The following NAB1 variants were observed in gnomAD, a reference collection of about 807,000 sequenced individuals.
NAB1 encodes NGFI-A binding protein 1.
NAB1 carries 25 observed loss-of-function variants against 49.9 expected under a neutral mutation model. The ratio of observed to expected loss-of-function variants is 0.50; its 90% CI spans 0.37 to 0.70. The LOEUF is 0.70. NAB1 is among the 30% of genes least tolerant of loss of function. The pLI, the probability that NAB1 is intolerant of heterozygous loss-of-function variation, is 0.00. For synonymous variants in NAB1, 198 were observed against 215.6 expected, an observed-to-expected ratio of 0.92 and a Z score of 0.71; for missense variants, 489 against 575.9, an observed-to-expected ratio of 0.85 and a Z score of 1.54.
At position 190,675,876 on chromosome 2, in the gene NAB1, A is replaced by T. The variant is rs545458342; in HGVS notation, c.1005+2724A>T. ...TTGAACGTGTGTGTGTCTTGTGTGT[A>T]TGTATACCTACACATGTAGATGGTG... is the stretch of plus-strand genomic sequence containing the variant. On this transcript the variant is annotated intron_variant, in intron 6 of 9. Coordinates refer to ENST00000337386, the MANE Select transcript of NAB1 (RefSeq NM_005966.4). This position sits in a 1 kb window ranked among gnomAD's most constrained non-coding sequence, Gnocchi z 5.2. Among the ~76,000 whole-genome samples, 1 of 152,252 alleles carries T rather than the reference A, an allele frequency of 6.6e-6. No homozygotes were observed. Among genetic ancestry groups the T allele is most frequent in the East Asian group, 1.9e-4 (1 of 5,182 alleles).
In NAB1 at chr2:190,674,565, C is replaced by T. The variant is rs566628966; in HGVS notation, c.1005+1413C>T. On this transcript the variant is annotated intron_variant, in intron 6 of 9. Transcript: ENST00000337386. This position sits in a 1 kb window ranked among gnomAD's most constrained non-coding sequence, Gnocchi z 5.7. ...TGCCCCATTAGATGAGAATAGGTCT[C>T]TTATCTGTGAATCTGCTGCTGTATA... 2.2e-4 allele frequency among the ~76,000 whole-genome samples: 33 copies of T among 152,290 alleles called. No individual in the cohort carries two copies. The highest frequency in any genetic ancestry group is 7.7e-4 in the African/African-American group (32 of 41,570).
At position 190,652,826 on chromosome 2, in the gene NAB1, T is replaced by C. The variant is rs538724490; in HGVS notation, c.-197+2844T>C. Among the ~76,000 whole-genome samples, 54 of 152,342 alleles carry C rather than the reference T, an allele frequency of 3.5e-4. No homozygotes were observed. Among genetic ancestry groups the C allele is most frequent in the South Asian group, 1.9e-3 (9 of 4,830 alleles). On this transcript the variant is annotated intron_variant, in intron 2 of 9. Coordinates refer to ENST00000337386, the MANE Select transcript of NAB1 (RefSeq NM_005966.4). This position sits in a 1 kb window ranked among gnomAD's most constrained non-coding sequence, Gnocchi z 4.2. ...TCTTAAGTAACCCATAAAGTGTAGC[T>C]GAACTATATTTAATCATTTTAGCTT...
In NAB1 at chr2:190,659,344, G is replaced by A. The variant is rs759987739; in HGVS notation, c.168G>A (p.Val56=). Residue 56 remains valine, a synonymous_variant, in exon 4 of 10, where the codon GTG becomes GTA. Coordinates refer to ENST00000337386, the MANE Select transcript of NAB1 (RefSeq NM_005966.4). This position sits in a 1 kb window ranked among gnomAD's most constrained non-coding sequence, Gnocchi z 6.2. ...EEEFLEIMAL[V]GMASKPLHVR... ...AGTTTTTGGAAATCATGGCACTCGTGGGCATGGCTAGCAAGCCCCTTCATG... is the reference window on the plus strand; with the variant it reads ...AGTTTTTGGAAATCATGGCACTCGTAGGCATGGCTAGCAAGCCCCTTCATG... The A allele has an allele frequency of 6.2e-6, 10 of 1,614,142 alleles. No individual in the cohort carries two copies. In the South Asian group the frequency reaches 8.8e-5, roughly 14 times the overall value.
rs1191010252 is a variant in NAB1, at chr2:190,686,767, G to A, written c.1259-434G>A. 1.3e-5 allele frequency among the ~76,000 whole-genome samples: 2 copies of A among 151,018 alleles called. No homozygotes were observed. The highest frequency in any genetic ancestry group is 1.3e-4 in the Admixed American group (2 of 15,176). On this transcript the variant is annotated intron_variant, in intron 8 of 9. Coordinates refer to ENST00000337386, the MANE Select transcript of NAB1 (RefSeq NM_005966.4). The surrounding 1 kb of genome is among the most constrained non-coding windows in gnomAD (Gnocchi z 5.5). ...TTTTTCCCATATTTGTGCTAAATCT[G>A]TTTTTTCACGGATTTTGCTGTAGTT...
At chr2:190,649,023 G>T (rs1374713244), upstream of NAB1, 1 of 146,396 alleles carries the variant, frequency 6.8e-6, no homozygotes, top group Non-Finnish European at 1.5e-5. The surrounding 1 kb of genome is among the most constrained non-coding windows in gnomAD (Gnocchi z 6.1). Flanking sequence ...GGAGGGTGTA[G>T]CGCGCGCGGG....
At position 190,657,258 on chromosome 2, in the gene NAB1, G is replaced by A. The variant is rs575176473; in HGVS notation, c.-20+1105G>A. On this transcript the variant is annotated intron_variant, in intron 3 of 9. Transcript: ENST00000337386. The surrounding 1 kb of genome is among the most constrained non-coding windows in gnomAD (Gnocchi z 4.4). The stretch of plus-strand genomic sequence containing the variant: ...GTGGATGATAGATTCTCCCTGGAGT[G>A]GGAGGACAGGCAGAGCCTCCTTTAG... Among the ~76,000 whole-genome samples, 5 of 152,284 alleles carry A rather than the reference G, an allele frequency of 3.3e-5. No individual in the cohort carries two copies. In the East Asian group the frequency reaches 9.7e-4, roughly 29 times the overall value.
rs1284709421 is a variant in NAB1 at position 190,673,343 on chromosome 2, GA to G, written c.1005+192del. On this transcript the variant is annotated intron_variant, in intron 6 of 9. Transcript: ENST00000337386. ...ATATTTACAGTAATTTGAATTAGCA[GA>G]CCAAGGAAAATTTTTTTAAACTTTT... 6 of 605,980 alleles carry G rather than the reference GA, an allele frequency of 9.9e-6. No homozygotes were observed. The Admixed American group carries it at 1.8e-4, about 18-fold the overall frequency. The allele number at this position is 605,980 out of a possible 1,614,324, so 37.5% of individuals were successfully genotyped here. A position where few individuals can be genotyped will look rare whatever the true frequency, so the allele number is the denominator to read the frequency against.
intron 7 of NAB1, 127 bp downstream of exon 7, chr2:190,683,954 C>T: frequency 1.4e-6 from 1 of 729,398 alleles, no homozygotes; most frequent in Non-Finnish European, 2.3e-6. Context: ...TTTTTTAAAA[C>T]GTCATCTGAG....
Position 190,652,314 on chromosome 2 carries a change from T to C in NAB1, c.-197+2332T>C, listed in dbSNP as rs562860173. Among the ~76,000 whole-genome samples the C allele has an allele frequency of 1.3e-5, 2 of 152,348 alleles. No individual in the cohort carries two copies. Among genetic ancestry groups the C allele is most frequent in the Admixed American group, 6.5e-5 (1 of 15,308 alleles). ...CTTCTGAAAAGGTGAAAAAAACTTATAAATATTGCCTGCATACTCTGTGCT... is the reference window on the plus strand; with the variant it reads ...CTTCTGAAAAGGTGAAAAAAACTTACAAATATTGCCTGCATACTCTGTGCT... On this transcript the variant is annotated intron_variant, in intron 2 of 9. Transcript: ENST00000337386. This position sits in a 1 kb window ranked among gnomAD's most constrained non-coding sequence, Gnocchi z 4.2.
intron 4 of NAB1, 55 bp downstream of exon 4, chr2:190,660,050 T>TA: frequency 6.7e-7 from 1 of 1,497,776 alleles, no homozygotes; most frequent in Non-Finnish European, 9.1e-7. Context: ...TGCTAGTCGT[T>TA]AGAGATAAAT....
In NAB1 at chr2:190,679,834, G is replaced by C. The variant is rs1207616540; in HGVS notation, c.1006-3904G>C. ...GATTCTGATTGGTGCACTCCACTCA[G>C]ATTCTGCTGATGAACTGATAACCCT... On this transcript the variant is annotated intron_variant, in intron 6 of 9. Transcript: ENST00000337386. The surrounding 1 kb of genome is among the most constrained non-coding windows in gnomAD (Gnocchi z 5.3). 1.3e-5 allele frequency among the ~76,000 whole-genome samples: 2 copies of C among 152,148 alleles called. No individual in the cohort carries two copies. The highest frequency in any genetic ancestry group is 4.8e-5 in the African/African-American group (2 of 41,424).
At position 190,686,500 on chromosome 2, in the gene NAB1, T is replaced by C. The variant is rs191398220; in HGVS notation, c.1259-701T>C. 1.3e-5 allele frequency among the ~76,000 whole-genome samples: 2 copies of C among 152,334 alleles called. No individual in the cohort carries two copies. Among genetic ancestry groups the C allele is most frequent in the East Asian group, 1.9e-4 (1 of 5,194 alleles). ...GATTCTCCAGCCATGGACTGAAATATTACATGTGTCAACACATCAGAGTAC... is the reference window on the plus strand; with the variant it reads ...GATTCTCCAGCCATGGACTGAAATACTACATGTGTCAACACATCAGAGTAC... On this transcript the variant is annotated intron_variant, in intron 8 of 9. Coordinates refer to ENST00000337386, the MANE Select transcript of NAB1 (RefSeq NM_005966.4). The surrounding 1 kb of genome is among the most constrained non-coding windows in gnomAD (Gnocchi z 5.5).
intron 3 of NAB1, among the ~76,000 whole-genome samples, chr2:190,658,866 A>G (rs772633302): frequency 1.3e-5 from 2 of 152,248 alleles, no homozygotes; most frequent in East Asian, 1.9e-4. Context: ...AGCAAAGTAT[A>G]TAGCCAAAAA....
At chr2:190,665,239 C>T (rs997889405) in intron 4 of NAB1, among the ~76,000 whole-genome samples, 1 of 151,292 alleles carries the variant, frequency 6.6e-6, no homozygotes, top group Non-Finnish European at 1.5e-5. Flanking sequence ...AGGAGAATGG[C>T]GTGAACCTGG....
rs1306879424 is a variant in NAB1 at position 190,659,436 on chromosome 2, C to T, written c.260C>T (p.Thr87Ile). ...CCTGGGCTTTTCAATCAGCCACTGA[C>T]TTCCCTTCCTGTCAGTAGCATACCC... ...TNPGLFNQPLTSLPVSSIPIY... is the reference protein window; with the variant it reads ...TNPGLFNQPLISLPVSSIPIY... Residue 87 changes from threonine to isoleucine, a missense_variant, in exon 4 of 10, where the codon ACT becomes ATT. Transcript: ENST00000337386. The surrounding 1 kb of genome is among the most constrained non-coding windows in gnomAD (Gnocchi z 6.2). The T allele has an allele frequency of 1.9e-6, 3 of 1,614,192 alleles. No homozygotes were observed. The highest frequency in any genetic ancestry group is 2.5e-6 in the Non-Finnish European group (3 of 1,180,034).
Position 190,668,779 on chromosome 2 carries a change from G to A in NAB1, c.820-1547G>A, listed in dbSNP as rs888115343. On this transcript the variant is annotated intron_variant, in intron 4 of 9. Transcript: ENST00000337386. ...TGGGTAGGGAGAAAGGGTGACTACA[G>A]TAGTCCCCTCTTATCTGTGAGGGAC... is the stretch of plus-strand genomic sequence containing the variant. Among the ~76,000 whole-genome samples, 6 of 152,162 alleles carry A rather than the reference G, an allele frequency of 3.9e-5. No homozygotes were observed. The East Asian group carries it at 1.2e-3, about 29-fold the overall frequency.
Position 190,678,255 on chromosome 2 carries a change from CTT to C in NAB1, c.1005+5104_1005+5105del, listed in dbSNP as rs1454418652. Among the ~76,000 whole-genome samples, 3 of 152,164 alleles carry C rather than the reference CTT, an allele frequency of 2.0e-5. No individual in the cohort carries two copies. The highest frequency in any genetic ancestry group is 2.9e-5 in the Non-Finnish European group (2 of 68,030). On this transcript the variant is annotated intron_variant, in intron 6 of 9. Transcript: ENST00000337386. This position sits in a 1 kb window ranked among gnomAD's most constrained non-coding sequence, Gnocchi z 4.9. ...ATCAAGAGCCAAAGTCCCTGGCTCT[CTT>C]GTCTTCTCCTAAATTTTTTTAAATG...
chr2:190,674,462 T>G lies in NAB1; in HGVS notation c.1005+1310T>G. Among the ~76,000 whole-genome samples, 1 of 152,222 alleles carries G rather than the reference T, an allele frequency of 6.6e-6. No homozygotes were observed. Among genetic ancestry groups the G allele is most frequent in the East Asian group, 1.9e-4 (1 of 5,198 alleles). ...CCTCTCCCCAAAATCACACTCAGGC[T>G]TATTCTCCTGGTTTGTTTTCATAGC... On this transcript the variant is annotated intron_variant, in intron 6 of 9. Transcript: ENST00000337386. The surrounding 1 kb of genome is among the most constrained non-coding windows in gnomAD (Gnocchi z 5.7).
Position 190,687,261 on chromosome 2 carries a change from T to C in NAB1, c.1319T>C (p.Val440Ala), listed in dbSNP as rs1264649142. 2.5e-6 allele frequency: 4 copies of C among 1,601,240 alleles called. No individual in the cohort carries two copies. The African/African-American group carries it at 4.1e-5, about 16-fold the overall frequency. Residue 440 changes from valine to alanine, a missense_variant, in exon 9 of 10, where the codon GTG becomes GCG. By Grantham distance (64) the Val-to-Ala change is moderately conservative. This residue lies in a region of NAB1 where 212 missense variants were observed against 199.3 expected (regional missense o/e 1.06). Coordinates refer to ENST00000337386, the MANE Select transcript of NAB1 (RefSeq NM_005966.4). The stretch of plus-strand genomic sequence containing the variant: ...CAGAACAGACAACCCCATCATTTTG[T>C]GGTGGATGGGGAGCTGAGCAGACTT... The part of the protein sequence containing the change: ...NLQNRQPHHF[V>A]VDGELSRLYP...
Sources: allele counts gnomAD v4.1 joint callset (sites outside exome capture counted in the v4.1 genomes callset), GRCh38; gene constraint gnomAD v4.1.1; regional missense constraint gnomAD v4.1.1; non-coding constraint Gnocchi (gnomAD v3.1); transcripts MANE v1.5; gene names NCBI Gene and HGNC (gene_info 2026-07-23, HGNC 2026-07-21).